CACNA2D3: variants seen among roughly 807,000 people sequenced by gnomAD.
CACNA2D3 encodes the protein calcium voltage-gated channel auxiliary subunit alpha2delta 3.
Under a neutral mutation model 160.6 loss-of-function variants are expected in CACNA2D3, and 60 were observed. The ratio of observed to expected loss-of-function variants is 0.37; its 90% confidence interval spans 0.30 to 0.46. The LOEUF (loss-of-function observed/expected upper bound fraction) is 0.46. Ranked by LOEUF, CACNA2D3 falls within the 20% of genes least tolerant of loss-of-function variation. CACNA2D3 has a pLI of 1.00. For missense variants in CACNA2D3, 1,205 were observed against 1,365.0 expected (o/e 0.88, Z 1.85); for synonymous variants, 558 against 492.9 (o/e 1.13, Z -1.75).
intron 8 of CACNA2D3, among the ~76,000 whole-genome samples, chr3:54,579,972 C>G (rs1423678056): frequency 2.6e-5 from 4 of 152,086 alleles, no homozygotes; most frequent in Admixed American, 1.3e-4. Flanking sequence ...GGGCACAAGC[C>G]TGACTGATGG....
At chr3:54,731,113 G>A (rs1701375673) in intron 11 of CACNA2D3, among the ~76,000 whole-genome samples, 1 of 152,158 alleles carries the variant, frequency 6.6e-6, no homozygotes, top group Admixed American at 6.5e-5. Context: ...TAGTGATTGA[G>A]TATAAATCCA....
chr3:54,956,902 CCTTTGCTGTATAGGTTGAAAACA>C (rs1450076803), intron 27 of CACNA2D3, among the ~76,000 whole-genome samples: 2 of 151,910 alleles, frequency 1.3e-5, no homozygotes, highest in African/African-American at 4.8e-5. Context: ...AACCTCTTTG[CCTTTGCTGTATAGGTTGAAAACA>C]GGGGTGAAGG....
At position 54,383,842 on chromosome 3, in the gene CACNA2D3, G is replaced by A. The variant is rs917974252; in HGVS notation, c.322-2873G>A. Among the ~76,000 whole-genome samples the A allele has an allele frequency of 2.0e-5, 3 of 152,124 alleles. No homozygotes were observed. In the South Asian group the frequency reaches 6.2e-4, roughly 32 times the overall value. On this transcript the variant is annotated intron_variant, in intron 3 of 37. Transcript: ENST00000474759. ...AGTAGTTAATACAATATTATCAGAT[G>A]CTTTCCAGTGTTTACCTTCTTGTGT... is the stretch of plus-strand genomic sequence containing the variant.
chr3:54,409,426 C>T (rs1375768265), intron 4 of CACNA2D3, among the ~76,000 whole-genome samples: 1 of 152,154 alleles, frequency 6.6e-6, no homozygotes, highest in Non-Finnish European at 1.5e-5. Context: ...CTCTTCAGAC[C>T]TATTTCCTGA....
At chr3:54,722,096 G>T (rs1701180126) in intron 11 of CACNA2D3, among the ~76,000 whole-genome samples, 2 of 152,140 alleles carry the variant, frequency 1.3e-5, no homozygotes, top group South Asian at 2.1e-4. Flanking sequence ...TTTCTTGGAG[G>T]CTTGCTTTGT....
intron 3 of CACNA2D3, among the ~76,000 whole-genome samples, chr3:54,377,077 C>G (rs1403940107): frequency 6.6e-6 from 1 of 152,224 alleles, no homozygotes; most frequent in Non-Finnish European, 1.5e-5. Context: ...AGCTGCCTGC[C>G]ACACTCACCA....
At chr3:54,463,298 A>G (rs1700543488) in intron 4 of CACNA2D3, among the ~76,000 whole-genome samples, 1 of 151,962 alleles carries the variant, frequency 6.6e-6, no homozygotes, top group Non-Finnish European at 1.5e-5. Flanking sequence ...CATTCTCTGT[A>G]TTTCCTGAAT....
chr3:54,225,092 A>T (rs576384240), intron 2 of CACNA2D3, among the ~76,000 whole-genome samples: 1 of 151,862 alleles, frequency 6.6e-6, no homozygotes, highest in Non-Finnish European at 1.5e-5. Context: ...TCCTAATGCT[A>T]TCCCTCCCCA....
At chr3:54,688,236 T>G (rs990180074) in intron 11 of CACNA2D3, among the ~76,000 whole-genome samples, 10 of 152,244 alleles carry the variant, frequency 6.6e-5, no homozygotes, top group Admixed American at 1.3e-4. Context: ...GATATTCATT[T>G]TAAATGTCCT....
rs901873957 is a variant in CACNA2D3 at position 55,054,605 on chromosome 3, A to G, written c.2988-18840A>G. 2.0e-5 allele frequency among the ~76,000 whole-genome samples: 3 copies of G among 149,762 alleles called. No homozygotes were observed. In the South Asian group the frequency reaches 6.3e-4, roughly 31 times the overall value. ...ATAAATATATTATTTAATATACTAT[A>G]TTATAAAGTATAATATATTACCATT... On this transcript the variant is annotated intron_variant, in intron 35 of 37. Transcript: ENST00000474759.
intron 9 of CACNA2D3, among the ~76,000 whole-genome samples, chr3:54,596,176 C>T (rs1187013131): frequency 2.0e-5 from 3 of 152,094 alleles, no homozygotes; most frequent in African/African-American, 7.2e-5. Context: ...TCTCCAAGTC[C>T]ATTGATTCTC....
chr3:54,871,447 C>A, intron 17 of CACNA2D3, 92 bp from the exon 18 acceptor site: 1 of 915,522 alleles, frequency 1.1e-6, no homozygotes, highest in Non-Finnish European at 1.7e-6. Flanking sequence ...AAGCCCTGTC[C>A]ATGAAACAGG....
At chr3:54,690,880 C>T (rs2106931850) in intron 11 of CACNA2D3, among the ~76,000 whole-genome samples, 3 of 152,256 alleles carry the variant, frequency 2.0e-5, no homozygotes, top group Middle Eastern at 6.8e-3. Flanking sequence ...GGGAAAGTCA[C>T]CTCTGAGGGG....
chr3:54,323,527 T>G (rs1266409718), intron 3 of CACNA2D3, among the ~76,000 whole-genome samples: 2 of 150,946 alleles, frequency 1.3e-5, no homozygotes, highest in African/African-American at 2.4e-5. Flanking sequence ...AGTGCAGTGA[T>G]GCGATCTCAG....
chr3:54,427,551 G>A (rs903261549), intron 4 of CACNA2D3, among the ~76,000 whole-genome samples: 54 of 152,138 alleles, frequency 3.5e-4, no homozygotes, highest in Non-Finnish European at 1.0e-4. Flanking sequence ...ATACAATATA[G>A]GACACACAGT....
At chr3:54,921,078 C>A (rs1700834975) in intron 27 of CACNA2D3, among the ~76,000 whole-genome samples, 2 of 152,344 alleles carry the variant, frequency 1.3e-5, no homozygotes, top group African/African-American at 4.8e-5. Flanking sequence ...GTCAAATCTG[C>A]TGATTACAGC....
Position 54,745,924 on chromosome 3 carries a change from T to C in CACNA2D3, c.1168-6675T>C, listed in dbSNP as rs542313939. Among the ~76,000 whole-genome samples, 74 of 152,366 alleles carry C rather than the reference T, an allele frequency of 4.9e-4. 1 individual carries two copies. The highest frequency in any genetic ancestry group is 1.7e-3 in the African/African-American group (69 of 41,588). ...TAAGGTGACAGTCCATTTTTCATAATCATCTATGATATTCGTTTGTTGAAA... is the reference window on the plus strand; with the variant it reads ...TAAGGTGACAGTCCATTTTTCATAACCATCTATGATATTCGTTTGTTGAAA... On this transcript the variant is annotated intron_variant, in intron 11 of 37. Transcript: ENST00000474759.
chr3:54,735,105 G>A (rs974377146), intron 11 of CACNA2D3, among the ~76,000 whole-genome samples: 3 of 152,222 alleles, frequency 2.0e-5, no homozygotes, highest in Non-Finnish European at 4.4e-5. Context: ...GTTAACCAGA[G>A]TAGCAGCAAA....
At chr3:54,173,505 A>G (rs1559871672) in intron 2 of CACNA2D3, among the ~76,000 whole-genome samples, 1 of 152,240 alleles carries the variant, frequency 6.6e-6, no homozygotes, top group Non-Finnish European at 1.5e-5. Flanking sequence ...ACACACACAG[A>G]ACCAGGCTGC....
Sources: gnomAD v4.1 joint callset for allele counts (sites outside exome capture counted in the v4.1 genomes callset) on GRCh38, gnomAD v4.1.1 for gene constraint, MANE v1.5 for transcripts, NCBI Gene and HGNC (gene_info 2026-07-23, HGNC 2026-07-21) for gene names.